Variants in GCKR observed in about 807,000 individuals in gnomAD.
GCKR encodes the protein glucokinase regulatory protein.
A neutral mutation model predicts 82.9 loss-of-function variants in GCKR; 73 were observed. The ratio of observed to expected loss-of-function variants is 0.88; its 90% CI spans 0.73 to 1.07. GCKR has a LOEUF of 1.07. Ranked by LOEUF, GCKR falls within the 50% of genes least tolerant of loss-of-function variation. The pLI is 0.00. For missense variants in GCKR, 784 were observed against 782.1 expected (o/e 1.00, Z -0.03); for synonymous variants, 294 against 291.8 (o/e 1.01, Z -0.08).
intron 12 of GCKR, 59 bp downstream of exon 12, chr2:27,506,944 C>T (rs901876705): frequency 6.2e-6 from 7 of 1,127,426 alleles, no homozygotes; most frequent in Non-Finnish European, 4.1e-6. Flanking sequence ...ATTCGGGCTG[C>T]TCTCCAAACA....
chr2:27,498,966 T>C (rs543556629), intron 5 of GCKR, among the ~76,000 whole-genome samples, 169 bp downstream of exon 5: 1 of 152,268 alleles, frequency 6.6e-6, no homozygotes, highest in Admixed American at 6.5e-5. Context: ...TGACTGGCTG[T>C]TGTAGGTATT....
chr2:27,505,887 G>C (rs750946972), intron 10 of GCKR, 51 bp downstream of exon 10: 10 of 998,020 alleles, frequency 1.0e-5, no homozygotes, highest in Non-Finnish European at 1.1e-5. Context: ...AGTGTGAGAT[G>C]GTGTGGATGG....
At chr2:27,497,052 C>T in intron 1 of GCKR, 88 bp downstream of exon 1, 1 of 1,251,294 alleles carries the variant, frequency 8.0e-7, no homozygotes, top group Admixed American at 1.7e-5. Context: ...TTTCTGCTCA[C>T]CTCTTCTTCC....
chr2:27,501,971 A>G, intron 8 of GCKR: 4 of 291,286 alleles, frequency 1.4e-5, no homozygotes, highest in Non-Finnish European at 2.0e-5. Flanking sequence ...TTTGAAAGCA[A>G]CCCTGGAGAT....
chr2:27,506,755 T>C, intron 11 of GCKR, 33 bp from the exon 12 acceptor site: 1 of 1,381,062 alleles, frequency 7.2e-7, no homozygotes, highest in East Asian at 2.3e-5. Context: ...TGCACGGTGA[T>C]CTCTCATGTC....
At chr2:27,512,037 G>A (rs368338661) in intron 16 of GCKR, among the ~76,000 whole-genome samples, 5 of 151,924 alleles carry the variant, frequency 3.3e-5, no homozygotes, top group South Asian at 2.1e-4. Context: ...TCAGGAGTTC[G>A]AGACCAGCCT....
At chr2:27,500,628 G>A (rs1169859177) in intron 7 of GCKR, among the ~76,000 whole-genome samples, 1 of 152,182 alleles carries the variant, frequency 6.6e-6, no homozygotes, top group African/African-American at 2.4e-5. Context: ...AAAATGTGGT[G>A]CCTGCACCAG....
intron 17 of GCKR, among the ~76,000 whole-genome samples, chr2:27,521,127 A>G (rs1670141671): frequency 6.6e-6 from 1 of 152,212 alleles, no homozygotes; most frequent in South Asian, 2.1e-4. Flanking sequence ...TGGATTTCAA[A>G]ATACAAAATC....
At chr2:27,504,962 C>T (rs1327394954) in intron 9 of GCKR, among the ~76,000 whole-genome samples, 2 of 151,510 alleles carry the variant, frequency 1.3e-5, no homozygotes, top group Non-Finnish European at 2.9e-5. Flanking sequence ...CACGTCTCTA[C>T]CAAAAATACA....
intron 16 of GCKR, among the ~76,000 whole-genome samples, chr2:27,513,781 A>G (rs1669941699): frequency 6.6e-6 from 1 of 152,132 alleles, no homozygotes; most frequent in African/African-American, 2.4e-5. Context: ...TTTTTGTAAA[A>G]TAATAATAAC....
intron 7 of GCKR, among the ~76,000 whole-genome samples, chr2:27,499,732 T>C (rs1054769863): frequency 2.0e-4 from 30 of 152,214 alleles, no homozygotes; most frequent in Non-Finnish European, 4.4e-4. Flanking sequence ...TGCAGCCAGC[T>C]GCCTGTTTTT....
chr2:27,510,481 A>T (rs1466424468), intron 16 of GCKR, among the ~76,000 whole-genome samples: 1 of 152,220 alleles, frequency 6.6e-6, no homozygotes, highest in Admixed American at 6.5e-5. Context: ...TTTCACCAGG[A>T]TAAACCCCAA....
At chr2:27,518,568 CA>C (rs377726666) in intron 16 of GCKR, among the ~76,000 whole-genome samples, 5 of 152,282 alleles carry the variant, frequency 3.3e-5, no homozygotes, top group African/African-American at 1.2e-4. Flanking sequence ...ACCTAGGGGT[CA>C]AAAACACAAA....
intron 7 of GCKR, 88 bp downstream of exon 7, chr2:27,499,538 C>T (rs575135231): frequency 1.8e-5 from 18 of 1,000,742 alleles, no homozygotes; most frequent in Admixed American, 5.1e-5. Flanking sequence ...TCAATGAGAT[C>T]GGTGCTAGAA....
At chr2:27,497,662 C>T (rs1420215979) in intron 3 of GCKR, 32 bp downstream of exon 3, 1 of 1,357,680 alleles carries the variant, frequency 7.4e-7, no homozygotes, top group Non-Finnish European at 1.1e-6. Context: ...CCTGCCTAAA[C>T]TTTTCTGTTT....
At chr2:27,509,611 A>G (rs1293411249) in intron 16 of GCKR, 6 of 402,828 alleles carry the variant, frequency 1.5e-5, no homozygotes, top group South Asian at 3.5e-5. Flanking sequence ...CAAAGTGCTG[A>G]GATTGCAGGC....
In GCKR at chr2:27,523,313, C is replaced by T. The variant is rs753968174; in HGVS notation, c.1752C>T (p.Ile584=). 1.2e-6 allele frequency: 2 copies of T among 1,613,032 alleles called. No individual in the cohort carries two copies. Among genetic ancestry groups the T allele is most frequent in the South Asian group, 2.2e-5 (2 of 91,064 alleles). ...TGAGCCTCCTATTCCGGTGCTCGATCACTGAGGCTCAGGCACACCTGGCTG... is the reference window on the plus strand; with the variant it reads ...TGAGCCTCCTATTCCGGTGCTCGATTACTGAGGCTCAGGCACACCTGGCTG... The part of the protein sequence containing the change: ...ALLSLLFRCS[I]TEAQAHLAAA... Residue 584 remains isoleucine, a synonymous_variant, in exon 19 of 19, where the codon ATC becomes ATT. Transcript: ENST00000264717.
chr2:27,516,055 G>T (rs1254859128), intron 16 of GCKR, among the ~76,000 whole-genome samples: 1 of 151,262 alleles, frequency 6.6e-6, no homozygotes, highest in South Asian at 2.1e-4. Context: ...GGGGTTACTG[G>T]GGTGAGCCAC....
At chr2:27,509,564 A>G (rs1207862228) in intron 16 of GCKR, 1 of 441,490 alleles carries the variant, frequency 2.3e-6, no homozygotes, top group East Asian at 7.1e-5. Flanking sequence ...CTGTTTGCCA[A>G]CTCCTAGACT....
Sources: allele counts gnomAD v4.1 joint callset (sites outside exome capture counted in the v4.1 genomes callset), GRCh38; gene constraint gnomAD v4.1.1; transcripts MANE v1.5; gene names NCBI Gene and HGNC (gene_info 2026-07-23, HGNC 2026-07-21).